CACNA2D3: variants seen among roughly 807,000 people sequenced by gnomAD.
CACNA2D3 encodes voltage-dependent calcium channel subunit alpha-2/delta-3.
CACNA2D3 carries 60 observed loss-of-function variants against 160.6 expected under a neutral mutation model. That is an observed-to-expected ratio of 0.37 (90% CI 0.30 to 0.46). The LOEUF is 0.46. CACNA2D3 is among the 20% of genes least tolerant of loss of function. The pLI, the probability that CACNA2D3 is intolerant of heterozygous loss-of-function variation, is 1.00. For missense variants in CACNA2D3, 1,205 were observed against 1,365.0 expected, an observed-to-expected ratio of 0.88 and a Z score of 1.85; for synonymous variants, 558 against 492.9, an observed-to-expected ratio of 1.13 and a Z score of -1.75.
chr3:55,074,032 G>A, intron 37 of CACNA2D3, 82 bp from the exon 38 acceptor site: 3 of 1,220,248 alleles, frequency 2.5e-6, no homozygotes, highest in Non-Finnish European at 3.6e-6. Context: ...TCTTACGTTA[G>A]AGAGGGGGAG....
chr3:54,194,019 CAAATT>C (rs1298449032), intron 2 of CACNA2D3, among the ~76,000 whole-genome samples: 1 of 151,804 alleles, frequency 6.6e-6, no homozygotes, highest in Non-Finnish European at 1.5e-5. Flanking sequence ...AAGCTAAAAA[CAAATT>C]GACCTCGTGG....
chr3:54,781,029 T>C (rs942422534), intron 13 of CACNA2D3, among the ~76,000 whole-genome samples: 22 of 152,242 alleles, frequency 1.4e-4, no homozygotes, highest in Non-Finnish European at 2.8e-4. Context: ...GTGGGTCTTT[T>C]TATTTAGAAA....
chr3:54,585,660 A>G (rs1042535619), intron 9 of CACNA2D3, among the ~76,000 whole-genome samples: 5 of 152,216 alleles, frequency 3.3e-5, no homozygotes, highest in Non-Finnish European at 5.9e-5. Context: ...GCAGCAGGCA[A>G]GAGAGCATGT....
chr3:54,872,301 C>T (rs779213510), intron 18 of CACNA2D3, among the ~76,000 whole-genome samples: 51 of 152,172 alleles, frequency 3.4e-4, no homozygotes, highest in Non-Finnish European at 6.3e-4. Flanking sequence ...ATTTCTTAGA[C>T]ACGGCTGCCT....
At chr3:54,302,282 A>C (rs554110280) in intron 2 of CACNA2D3, among the ~76,000 whole-genome samples, 1 of 152,282 alleles carries the variant, frequency 6.6e-6, no homozygotes, top group East Asian at 1.9e-4. Flanking sequence ...GGCCTCTAGG[A>C]TTGTTAAGTC....
At chr3:54,743,807 A>T (rs1183568056) in intron 11 of CACNA2D3, among the ~76,000 whole-genome samples, 1 of 152,216 alleles carries the variant, frequency 6.6e-6, no homozygotes, top group African/African-American at 2.4e-5. Flanking sequence ...CTTCTGAGCC[A>T]TAAAAATCCT....
intron 11 of CACNA2D3, among the ~76,000 whole-genome samples, chr3:54,713,910 G>A (rs1186529526): frequency 6.6e-6 from 1 of 152,106 alleles, no homozygotes; most frequent in Non-Finnish European, 1.5e-5. Flanking sequence ...ATTACAAGAT[G>A]AAAATATTGT....
intron 27 of CACNA2D3, among the ~76,000 whole-genome samples, chr3:54,957,761 C>T (rs1441204843): frequency 2.0e-5 from 3 of 152,118 alleles, no homozygotes; most frequent in Non-Finnish European, 2.9e-5. Context: ...CATGCCAGTC[C>T]GTCTGTCATC....
intron 27 of CACNA2D3, among the ~76,000 whole-genome samples, chr3:54,940,125 G>T (rs1701430483): frequency 6.6e-6 from 1 of 152,098 alleles, no homozygotes; most frequent in Non-Finnish European, 1.5e-5. Flanking sequence ...TCACCACATT[G>T]GTGTCTAGTC....
chr3:54,417,621 C>T (rs558823678), intron 4 of CACNA2D3, among the ~76,000 whole-genome samples: 7 of 152,212 alleles, frequency 4.6e-5, no homozygotes, highest in African/African-American at 1.7e-4. Context: ...ATAAAATTAC[C>T]TATTATCTCC....
chr3:54,319,342 CAACT>C (rs1327394656), intron 2 of CACNA2D3, among the ~76,000 whole-genome samples: 1 of 152,142 alleles, frequency 6.6e-6, no homozygotes, highest in African/African-American at 2.4e-5. Flanking sequence ...TTCCTTTTCA[CAACT>C]AACTCTTAAG....
intron 5 of CACNA2D3, among the ~76,000 whole-genome samples, chr3:54,530,953 G>A (rs1220856680): frequency 3.3e-5 from 5 of 152,072 alleles, no homozygotes; most frequent in Non-Finnish European, 7.4e-5. Context: ...GGCTGAACAG[G>A]CCAGAGAATA....
At chr3:54,832,011 T>TCATACA (rs373556430) in intron 14 of CACNA2D3, among the ~76,000 whole-genome samples, 13,190 of 118,774 alleles carry the variant, frequency 0.11, 1,315 homozygotes, top group Non-Finnish European at 0.13. Context: ...CTCTTCTCTG[T>TCATACA]CACACACACA....
intron 10 of CACNA2D3, among the ~76,000 whole-genome samples, chr3:54,640,234 G>T (rs1228746979): frequency 5.3e-5 from 8 of 152,156 alleles, no homozygotes; most frequent in Admixed American, 1.3e-4. Flanking sequence ...GCTAAGTGAG[G>T]GAAGAGATTT....
chr3:54,600,429 G>A (rs1357200488), intron 9 of CACNA2D3, among the ~76,000 whole-genome samples: 3 of 152,286 alleles, frequency 2.0e-5, no homozygotes, highest in Admixed American at 2.0e-4. Flanking sequence ...AGCAGCTTTC[G>A]TGGGTATTTG....
At chr3:54,402,011 A>C (rs1699475916) in intron 4 of CACNA2D3, among the ~76,000 whole-genome samples, 2 of 152,180 alleles carry the variant, frequency 1.3e-5, no homozygotes, top group South Asian at 4.1e-4. Context: ...AGAGGGCAAA[A>C]GTCAAGAGTG....
chr3:54,728,713 T>A (rs1302170561), intron 11 of CACNA2D3, among the ~76,000 whole-genome samples: 1 of 152,216 alleles, frequency 6.6e-6, no homozygotes, highest in African/African-American at 2.4e-5. Flanking sequence ...CAAAGTATCT[T>A]GATCTAATTA....
At chr3:54,338,770 CA>C (rs1348284843) in intron 3 of CACNA2D3, among the ~76,000 whole-genome samples, 6 of 152,120 alleles carry the variant, frequency 3.9e-5, no homozygotes, top group Admixed American at 3.9e-4. Flanking sequence ...GCTTCCAGAT[CA>C]TCTGCTGTAA....
rs1701162944 is a variant in CACNA2D3 at position 54,721,171 on chromosome 3, T to A, written c.1168-31428T>A. 3.3e-5 allele frequency among the ~76,000 whole-genome samples: 5 copies of A among 152,186 alleles called. No individual in the cohort carries two copies. The South Asian group carries it at 8.3e-4, about 25-fold the overall frequency. On this transcript the variant is annotated intron_variant, in intron 11 of 37. Coordinates refer to ENST00000474759, the MANE Select transcript of CACNA2D3 (RefSeq NM_018398.3). ...TAGCACTTTTCCCACTTATATAATG[T>A]ACATACCTTAGAACAGTTTACCTCT...
Sources: allele counts gnomAD v4.1 joint callset (sites outside exome capture counted in the v4.1 genomes callset), GRCh38; gene constraint gnomAD v4.1.1; transcripts MANE v1.5; gene names NCBI Gene and HGNC (gene_info 2026-07-23, HGNC 2026-07-21).